The following SLC35F5 variants were observed in gnomAD, a reference collection of about 807,000 sequenced individuals.
SLC35F5 encodes HCV NS5A-transactivated protein 3.
SLC35F5 carries 54 observed loss-of-function variants against 68.6 expected under a neutral mutation model. The observed-to-expected ratio is 0.79, with a 90% CI of 0.63 to 0.99. The LOEUF (loss-of-function observed/expected upper bound fraction) is 0.99, where lower values mean the gene tolerates loss of function less well. Among genes scored for constraint, SLC35F5 ranks in the 50% least tolerant of loss-of-function variants. The pLI, the probability that SLC35F5 is intolerant of heterozygous loss-of-function variation, is 0.00. For missense variants in SLC35F5, 567 were observed against 626.9 expected (o/e 0.90, Z 1.02); for synonymous variants, 211 against 205.2 (o/e 1.03, Z -0.24).
intron 4 of SLC35F5, among the ~76,000 whole-genome samples, chr2:113,748,697 T>C (rs1676614747): frequency 6.6e-6 from 1 of 152,242 alleles, no homozygotes; most frequent in Non-Finnish European, 1.5e-5. Flanking sequence ...TGTATTACTT[T>C]TGCAAAGTAA....
intron 11 of SLC35F5, 36 bp downstream of exon 11, chr2:113,729,365 A>G: frequency 9.2e-7 from 1 of 1,090,676 alleles, no homozygotes; most frequent in South Asian, 1.4e-5. Flanking sequence ...TTAATCATTT[A>G]GAGTAAATAG....
chr2:113,712,235 AATTT>A lies in SLC35F5; in HGVS notation c.*2979_*2982del, dbSNP rs1687013216. 7.9e-5 allele frequency among the ~76,000 whole-genome samples: 12 copies of A among 152,250 alleles called. No individual in the cohort carries two copies. On this transcript the variant is annotated 3_prime_UTR_variant, in exon 16 of 16. Coordinates refer to ENST00000245680, the MANE Select transcript of SLC35F5 (RefSeq NM_025181.5). The stretch of plus-strand genomic sequence containing the variant: ...CAATATCTCAATGTTTTTAAATTAA[AATTT>A]ATTTAAAGGAATAAGTATGGGTGCA...
intron 10 of SLC35F5, 137 bp downstream of exon 10, chr2:113,731,442 TTTATG>T (rs1381031037): frequency 1.7e-6 from 1 of 597,102 alleles, no homozygotes; most frequent in Non-Finnish European, 3.0e-6. Flanking sequence ...TACGCATTTT[TTTATG>T]TTATTTCCAA....
At chr2:113,734,825 A>G in intron 8 of SLC35F5, 152 bp from the exon 9 acceptor site, 1 of 600,550 alleles carries the variant, frequency 1.7e-6, no homozygotes, top group Non-Finnish European at 3.0e-6. Flanking sequence ...GCAGTTAAGT[A>G]ATGACTAGAC....
In SLC35F5 at chr2:113,756,474, G is replaced by A. The variant is rs1486634420; in HGVS notation, c.-65C>T. ...GCCGCGGCCTCGGACTCACAGAGCT[G>A]TCACCGCGCCTGACATCGCGCCGCA... On this transcript the variant is annotated 5_prime_UTR_variant, in exon 1 of 16. Transcript: ENST00000245680. The A allele has an allele frequency of 1.3e-6, 2 of 1,530,024 alleles. No individual in the cohort carries two copies. The highest frequency in any genetic ancestry group is 1.2e-5 in the South Asian group (1 of 83,472). 94.8% of individuals were successfully genotyped at this position (1,530,024 alleles called of 1,614,324 possible). A position where few individuals can be genotyped will look rare whatever the true frequency, so the allele number is the denominator to read the frequency against.
intron 13 of SLC35F5, chr2:113,719,574 T>C: frequency 3.6e-6 from 1 of 277,074 alleles, no homozygotes; most frequent in Non-Finnish European, 6.6e-6. Context: ...ATACTTTCCA[T>C]TTATAGGCAT....
At chr2:113,729,931 A>AC (rs1260769421) in intron 10 of SLC35F5, among the ~76,000 whole-genome samples, 1 of 152,050 alleles carries the variant, frequency 6.6e-6, no homozygotes, top group Non-Finnish European at 1.5e-5. Context: ...TGTCTTCCTT[A>AC]CCCCCATATA....
At chr2:113,706,119 C>A (rs960455230), downstream of SLC35F5, among the ~76,000 whole-genome samples, 2 of 152,136 alleles carry the variant, frequency 1.3e-5, no homozygotes, top group Admixed American at 6.6e-5. Context: ...AATATGGTCC[C>A]CAGTGCAAAT....
At chr2:113,756,258 G>A (rs1297722714) in intron 1 of SLC35F5, 112 bp downstream of exon 1, 25 of 1,540,110 alleles carry the variant, frequency 1.6e-5, no homozygotes, top group Non-Finnish European at 2.0e-5. Context: ...GACCTTCACG[G>A]TTTCGGTCAA....
intron 7 of SLC35F5, chr2:113,741,992 A>T (rs1256670547): frequency 6.6e-6 from 1 of 152,300 alleles, no homozygotes; most frequent in East Asian, 1.9e-4. Context: ...GCTCATATTT[A>T]AAAAACCTTG....
Position 113,755,308 on chromosome 2 carries a change from T to C in SLC35F5, c.132-2A>G, listed in dbSNP as rs753660379. 6.2e-7 allele frequency: 1 copy of C among 1,613,852 alleles called. No individual in the cohort carries two copies. The highest frequency in any genetic ancestry group is 1.7e-5 in the Admixed American group (1 of 59,946). The stretch of plus-strand genomic sequence containing the variant: ...ACAAATACACACACCATTTGCAGTC[T>C]GTTTTTTAGAAAATACAGATCACAT... On this transcript the variant is annotated splice_acceptor_variant, in intron 2 of 15. Transcript: ENST00000245680. LOFTEE classifies it high-confidence loss of function.
Position 113,746,309 on chromosome 2 carries a change from A to C in SLC35F5, c.448T>G (p.Cys150Gly). 1 of 1,613,506 alleles carries C rather than the reference A, an allele frequency of 6.2e-7. No individual in the cohort carries two copies. Among genetic ancestry groups the C allele is most frequent in the Non-Finnish European group, 8.5e-7 (1 of 1,179,800 alleles). ...FADAEGYFAA[C>G]TTDTTMNSSL... is the part of the protein sequence containing the mutation. The stretch of plus-strand genomic sequence containing the variant: ...CTATTCATAGTTGTATCTGTTGTGC[A>C]AGCAGCAAAGTAACCTTCAGCATCT... Residue 150 changes from cysteine (C) to glycine (G), a missense_variant, in exon 5 of 16, where the codon TGC (cysteine) becomes GGC (glycine). Cys to Gly is a radical substitution (Grantham distance 159). Coordinates refer to ENST00000245680, the MANE Select transcript of SLC35F5 (RefSeq NM_025181.5).
intron 10 of SLC35F5, among the ~76,000 whole-genome samples, chr2:113,730,806 A>C (rs1456551810): frequency 6.6e-6 from 1 of 152,226 alleles, no homozygotes. Context: ...TCACCATAGC[A>C]GTAACTATGA....
At chr2:113,744,923 T>C (rs554890666) in intron 5 of SLC35F5, among the ~76,000 whole-genome samples, 1 of 152,328 alleles carries the variant, frequency 6.6e-6, no homozygotes, top group South Asian at 2.1e-4. Context: ...AGATGATCTA[T>C]ATTTAAGGTA....
At chr2:113,723,538 A>T (rs778032497) in intron 12 of SLC35F5, among the ~76,000 whole-genome samples, 1 of 152,212 alleles carries the variant, frequency 6.6e-6, no homozygotes, top group Non-Finnish European at 1.5e-5. Flanking sequence ...TGATTTGTAG[A>T]TAACAAAGAA....
chr2:113,742,591 A>G (rs1676318733), intron 7 of SLC35F5, 101 bp downstream of exon 7: 2 of 1,206,042 alleles, frequency 1.7e-6, no homozygotes, highest in Non-Finnish European at 2.4e-6. Flanking sequence ...ATGATTAAAC[A>G]ACCTAATTGT....
At chr2:113,738,488 T>C (rs1405222931) in intron 7 of SLC35F5, among the ~76,000 whole-genome samples, 1 of 152,134 alleles carries the variant, frequency 6.6e-6, no homozygotes, top group Non-Finnish European at 1.5e-5. Flanking sequence ...ACTATATATA[T>C]ATTCATCCAT....
downstream of SLC35F5, among the ~76,000 whole-genome samples, chr2:113,704,242 T>C (rs1187313196): frequency 1.3e-5 from 2 of 152,170 alleles, no homozygotes; most frequent in African/African-American, 2.4e-5. Context: ...GATTGGTCCA[T>C]TTTACAGAGA....
rs751631370 is a variant in SLC35F5, at chr2:113,755,516, T to G, written c.69A>C (p.Arg23Ser). 1.2e-6 allele frequency: 2 copies of G among 1,613,812 alleles called. No individual in the cohort carries two copies. Among genetic ancestry groups the G allele is most frequent in the African/African-American group, 2.7e-5 (2 of 74,892 alleles). The change falls in exon 2 of 16, where the codon AGA becomes AGC. Residue 23 changes from arginine (R) to serine (S), a missense_variant. Physicochemically the swap from Arg to Ser is moderately radical, Grantham distance 110 (BLOSUM62 -1). Transcript: ENST00000245680. ...TGCCGGAAAACTTGGCAGATCTCAG[T>G]CTAAAAGGAGGTGAAGAACTCAGCA... ...PGVLSSSPPFRLRSAKFSGIA... is the reference protein window; with the variant it reads ...PGVLSSSPPFSLRSAKFSGIA...
Sources: gnomAD v4.1 joint callset for allele counts (sites outside exome capture counted in the v4.1 genomes callset) on GRCh38, gnomAD v4.1.1 for gene constraint, MANE v1.5 for transcripts, NCBI Gene and HGNC (gene_info 2026-07-23, HGNC 2026-07-21) for gene names.